CDK14: variants seen among roughly 807,000 people sequenced by gnomAD.
CDK14 encodes cyclin dependent kinase 14, also known as cyclin-dependent kinase 14.
In CDK14, 34 loss-of-function variants were observed where a neutral mutation model predicts 60.7. The ratio of observed to expected loss-of-function variants is 0.56; its 90% CI spans 0.43 to 0.75. The LOEUF is 0.75. Ranked by LOEUF, CDK14 falls within the 30% of genes least tolerant of loss-of-function variation. The pLI is 0.00. For missense variants in CDK14, 482 were observed against 564.1 expected (o/e 0.85, Z 1.47); for synonymous variants, 197 against 203.7 (o/e 0.97, Z 0.28).
chr7:91,052,141 T>C (rs1448108525), intron 11 of CDK14, among the ~76,000 whole-genome samples: 1 of 152,084 alleles, frequency 6.6e-6, no homozygotes, highest in African/African-American at 2.4e-5. Context: ...CGAGTGGTGT[T>C]TGATTGTGCC....
chr7:90,960,116 G>A (rs573672266), intron 9 of CDK14, among the ~76,000 whole-genome samples: 1 of 152,210 alleles, frequency 6.6e-6, no homozygotes, highest in East Asian at 1.9e-4. Flanking sequence ...TCAAGCTGTT[G>A]AGGTCATTGT....
At chr7:91,129,939 C>T (rs1279140196) in intron 14 of CDK14, among the ~76,000 whole-genome samples, 1 of 152,092 alleles carries the variant, frequency 6.6e-6, no homozygotes, top group Non-Finnish European at 1.5e-5. Flanking sequence ...AAAATATTCA[C>T]TGAAAGTTTA....
chr7:91,112,665 A>G lies in CDK14; in HGVS notation c.1278A>G (p.Leu426=), dbSNP rs532081626. 63 of 1,613,666 alleles carry G rather than the reference A, an allele frequency of 3.9e-5. No homozygotes were observed. The highest frequency in any genetic ancestry group is 1.1e-4 in the South Asian group (10 of 91,074). ...HEYFSDLPPR[L]WELTDMSSIF... is the part of the protein sequence containing the mutation. ...ATTTTAGTGACCTGCCGCCACGGCTATGGGAACTCACCGACAGTGAGTATG... is the reference window on the plus strand; with the variant it reads ...ATTTTAGTGACCTGCCGCCACGGCTGTGGGAACTCACCGACAGTGAGTATG... Residue 426 remains leucine (L), a synonymous_variant, in exon 13 of 15, where the codon CTA becomes CTG. Transcript: ENST00000380050.
At chr7:90,848,143 C>T (rs1790527896) in intron 5 of CDK14, among the ~76,000 whole-genome samples, 1 of 152,074 alleles carries the variant, frequency 6.6e-6, no homozygotes, top group South Asian at 2.1e-4. Context: ...AACCTGTCGC[C>T]CAGGCTGAAG....
chr7:91,200,772 T>C (rs561292567), intron 14 of CDK14, among the ~76,000 whole-genome samples: 1 of 152,296 alleles, frequency 6.6e-6, no homozygotes, highest in East Asian at 1.9e-4. Flanking sequence ...ACAGCTAAAA[T>C]GATTTTTTTT....
chr7:90,676,946 G>GTTTTTTT (rs10668053), intron 2 of CDK14, among the ~76,000 whole-genome samples: 1 of 149,086 alleles, frequency 6.7e-6, no homozygotes. Flanking sequence ...TGTATATCAA[G>GTTTTTTT]TTTTTTTTTT....
rs766808187 is a variant in CDK14 at position 91,020,155 on chromosome 7, T to G, written c.1042-25742T>G. Among the ~76,000 whole-genome samples the G allele has an allele frequency of 8.1e-4, 124 of 152,180 alleles. 2 individuals are homozygous for G. Among genetic ancestry groups the G allele is most frequent in the Admixed American group, 1.2e-3 (18 of 15,282 alleles). ...TATGCTTGTAACTGCCCCCTTTTACTTCCAGCCCCATTCCATTGACCAATC... is the reference window on the plus strand; with the variant it reads ...TATGCTTGTAACTGCCCCCTTTTACGTCCAGCCCCATTCCATTGACCAATC... On this transcript the variant is annotated intron_variant, in intron 10 of 14. Coordinates refer to ENST00000380050, the MANE Select transcript of CDK14 (RefSeq NM_001287135.2).
Position 91,124,496 on chromosome 7 carries a change from CCTTT to C in CDK14, c.*28+6294_*28+6297del, listed in dbSNP as rs956318362. Among the ~76,000 whole-genome samples the C allele has an allele frequency of 9.2e-5, 14 of 151,672 alleles. No homozygotes were observed. The South Asian group carries it at 1.7e-3, about 18-fold the overall frequency. ...TAAAATAAAAATAATAAATTTTTGCCCTTTCTTTCCTTTTTTTTTTCTCTGATTA... is the reference window on the plus strand; with the variant it reads ...TAAAATAAAAATAATAAATTTTTGCCCTTTCCTTTTTTTTTTCTCTGATTA... On this transcript the variant is annotated intron_variant, in intron 14 of 14. Transcript: ENST00000380050.
intron 2 of CDK14, among the ~76,000 whole-genome samples, chr7:90,676,712 T>C (rs1401088549): frequency 6.6e-6 from 1 of 152,046 alleles, no homozygotes; most frequent in Admixed American, 6.6e-5. Context: ...TTGCTCGTTT[T>C]TTTGGTAAAG....
intron 10 of CDK14, among the ~76,000 whole-genome samples, chr7:91,008,162 G>A (rs997170131): frequency 1.7e-5 from 2 of 116,562 alleles, no homozygotes; most frequent in African/African-American, 7.0e-5. Context: ...AAAAAAAACA[G>A]TGGATGGTGG....
intron 9 of CDK14, among the ~76,000 whole-genome samples, chr7:90,969,607 G>A (rs150962488): frequency 4.6e-5 from 7 of 152,230 alleles, no homozygotes; most frequent in African/African-American, 1.7e-4. Context: ...TTAAAGATGT[G>A]CAAGGCTTAT....
chr7:90,805,435 AACAC>A (rs10543007), intron 5 of CDK14, among the ~76,000 whole-genome samples: 27 of 150,882 alleles, frequency 1.8e-4, no homozygotes, highest in East Asian at 5.8e-4. Flanking sequence ...GAATTTTCTC[AACAC>A]ACACACACAC....
At chr7:91,158,235 T>C (rs923609395) in intron 14 of CDK14, among the ~76,000 whole-genome samples, 1 of 151,020 alleles carries the variant, frequency 6.6e-6, no homozygotes, top group Non-Finnish European at 1.5e-5. Flanking sequence ...TTTGTATATA[T>C]AAGCTCCCAT....
chr7:91,021,194 C>G (rs1796426545), intron 10 of CDK14, among the ~76,000 whole-genome samples: 1 of 152,108 alleles, frequency 6.6e-6, no homozygotes, highest in Non-Finnish European at 1.5e-5. Context: ...CAACTAGAAG[C>G]AACATCACAG....
At chr7:90,876,819 C>G (rs1175644654) in intron 6 of CDK14, among the ~76,000 whole-genome samples, 3 of 152,150 alleles carry the variant, frequency 2.0e-5, no homozygotes, top group Non-Finnish European at 2.9e-5. Context: ...AATTAGATAA[C>G]TTTTTGACGT....
chr7:90,817,877 G>A (rs796194784), intron 5 of CDK14, among the ~76,000 whole-genome samples: 11 of 152,166 alleles, frequency 7.2e-5, no homozygotes, highest in African/African-American at 2.6e-4. Flanking sequence ...AATACATTTG[G>A]ATTATTCCGG....
intron 14 of CDK14, among the ~76,000 whole-genome samples, chr7:91,139,319 TGTA>T (rs71935841): frequency 0.043 from 6,571 of 152,228 alleles, 462 homozygotes; most frequent in African/African-American, 0.15. Context: ...GATGATCACA[TGTA>T]GTAAAAATAA....
rs142786057 is a variant in CDK14, at chr7:90,968,072, G to T, written c.947+12255G>T. On this transcript the variant is annotated intron_variant, in intron 9 of 14. Coordinates refer to ENST00000380050, the MANE Select transcript of CDK14 (RefSeq NM_001287135.2). Reference sequence around the variant, plus strand: ...TTCTTCAGTACTGCATTACCTGGAGGTTATTTTAATTAACAATCACAGTTT... The same window carrying T: ...TTCTTCAGTACTGCATTACCTGGAGTTTATTTTAATTAACAATCACAGTTT... Among the ~76,000 whole-genome samples the T allele has an allele frequency of 7.8e-3, 1,189 of 152,246 alleles. 20 individuals are homozygous for T. The highest frequency in any genetic ancestry group is 0.028 in the African/African-American group (1,148 of 41,550).
At chr7:90,781,777 T>A (rs2116933306) in intron 4 of CDK14, among the ~76,000 whole-genome samples, 2 of 152,028 alleles carry the variant, frequency 1.3e-5, no homozygotes, top group East Asian at 3.9e-4. Flanking sequence ...TTGATCTATA[T>A]CTCTGTTTTG....
Sources: allele counts gnomAD v4.1 joint callset (sites outside exome capture counted in the v4.1 genomes callset), GRCh38; gene constraint gnomAD v4.1.1; transcripts MANE v1.5; gene names NCBI Gene and HGNC (gene_info 2026-07-23, HGNC 2026-07-21).